CSMD1: variants seen among roughly 807,000 people sequenced by gnomAD.
CSMD1 encodes the protein CUB and Sushi multiple domains 1.
Under a neutral mutation model 417.5 loss-of-function variants are expected in CSMD1, and 213 were observed. That is an observed-to-expected ratio of 0.51 (90% CI 0.46 to 0.57). CSMD1 has a LOEUF of 0.57. CSMD1 is among the 20% of genes least tolerant of loss of function. CSMD1 has a pLI of 0.00. For missense variants in CSMD1, 6,923 were observed against 4,529.7 expected (o/e 1.53, Z -15.17); for synonymous variants, 2,862 against 1,736.8 (o/e 1.65, Z -16.11).
chr8:3,517,226 T>C (rs1018884579), intron 10 of CSMD1, among the ~76,000 whole-genome samples: 1 of 152,162 alleles, frequency 6.6e-6, no homozygotes, highest in Non-Finnish European at 1.5e-5. Flanking sequence ...GTAGAATTAA[T>C]AAAATCTGTG....
intron 1 of CSMD1, among the ~76,000 whole-genome samples, chr8:4,839,835 T>C (rs1800731616): frequency 6.6e-6 from 1 of 152,184 alleles, no homozygotes; most frequent in Admixed American, 6.5e-5. Flanking sequence ...TTAGTAAAGT[T>C]GATGTTTGCA....
intron 25 of CSMD1, among the ~76,000 whole-genome samples, chr8:3,305,132 C>A (rs1804729661): frequency 1.3e-5 from 2 of 152,164 alleles, no homozygotes; most frequent in Admixed American, 6.5e-5. Context: ...CCTCTTGCTT[C>A]ATCCCCTCAA....
chr8:4,572,490 T>G (rs995061241), intron 2 of CSMD1, among the ~76,000 whole-genome samples: 1 of 152,350 alleles, frequency 6.6e-6, no homozygotes, highest in South Asian at 2.1e-4. Flanking sequence ...AGATCCACTG[T>G]TAGTCTGACG....
At chr8:4,417,654 C>G (rs1282076722) in intron 3 of CSMD1, among the ~76,000 whole-genome samples, 2 of 151,920 alleles carry the variant, frequency 1.3e-5, no homozygotes, top group African/African-American at 2.4e-5. Context: ...GGTCAAATAA[C>G]AGGATCCGTG....
intron 44 of CSMD1, 59 bp downstream of exon 44, chr8:3,108,544 C>G: frequency 1.9e-6 from 3 of 1,563,012 alleles, no homozygotes; most frequent in Non-Finnish European, 2.6e-6. Flanking sequence ...TGGGACAACA[C>G]TGCAGGAAAC....
In CSMD1 at chr8:3,434,036, A is replaced by C. The variant is rs12677680; in HGVS notation, c.1562-24431T>G. 1.1e-3 allele frequency among the ~76,000 whole-genome samples: 172 copies of C among 152,294 alleles called. 2 individuals carry two copies. The East Asian group carries it at 0.03, about 27-fold the overall frequency. On this transcript the variant is annotated intron_variant, in intron 12 of 69. Transcript: ENST00000635120. ...CTCTGCTTTCTCATGAACTACAACA[A>C]TCGCATCATTCCTGGCATTCTTTGA...
intron 1 of CSMD1, among the ~76,000 whole-genome samples, chr8:4,749,366 T>C (rs959563573): frequency 3.3e-5 from 5 of 152,260 alleles, no homozygotes; most frequent in Admixed American, 1.3e-4. Context: ...ATGTTCAGCA[T>C]AGTTGCTAAG....
chr8:3,760,876 C>G (rs568275338), intron 5 of CSMD1, among the ~76,000 whole-genome samples: 1 of 151,890 alleles, frequency 6.6e-6, no homozygotes, highest in Non-Finnish European at 1.5e-5. Context: ...CACAGGGGGA[C>G]TAAGAAATTT....
chr8:3,878,872 A>C (rs1210019844), intron 5 of CSMD1, among the ~76,000 whole-genome samples: 1 of 152,210 alleles, frequency 6.6e-6, no homozygotes, highest in African/African-American at 2.4e-5. Context: ...AAACTGACTG[A>C]GCTTAATTAT....
intron 3 of CSMD1, among the ~76,000 whole-genome samples, chr8:4,163,266 G>C (rs991513587): frequency 8.5e-5 from 13 of 152,198 alleles, no homozygotes; most frequent in Admixed American, 3.9e-4. Context: ...GTGCTTCCTG[G>C]ACTGCATGTT....
At chr8:3,938,909 C>T (rs1240587649) in intron 5 of CSMD1, among the ~76,000 whole-genome samples, 1 of 152,094 alleles carries the variant, frequency 6.6e-6, no homozygotes, top group East Asian at 1.9e-4. Context: ...ATGCTCAATA[C>T]TCTATCATTC....
chr8:4,492,744 C>A (rs1801768556), intron 2 of CSMD1, among the ~76,000 whole-genome samples: 1 of 152,206 alleles, frequency 6.6e-6, no homozygotes, highest in Non-Finnish European at 1.5e-5. Flanking sequence ...GCACAGGTAA[C>A]ACCCAAGCAA....
At chr8:4,891,099 C>G (rs1300894505) in intron 1 of CSMD1, among the ~76,000 whole-genome samples, 1 of 152,136 alleles carries the variant, frequency 6.6e-6, no homozygotes, top group Non-Finnish European at 1.5e-5. Context: ...AGCTTTGGAA[C>G]TAGCAAAGCC....
At chr8:4,530,944 A>G (rs888299410) in intron 2 of CSMD1, among the ~76,000 whole-genome samples, 1 of 152,064 alleles carries the variant, frequency 6.6e-6, no homozygotes, top group Admixed American at 6.6e-5. Flanking sequence ...ACACAAAAAG[A>G]CAGACCTAGT....
chr8:4,888,960 A>G (rs1023064159), intron 1 of CSMD1, among the ~76,000 whole-genome samples: 2 of 152,130 alleles, frequency 1.3e-5, no homozygotes, highest in African/African-American at 4.8e-5. Flanking sequence ...TACTTACAAT[A>G]TAATTCCAAT....
Position 3,409,589 on chromosome 8 carries a change from C to G in CSMD1, c.1578G>C (p.Gly526=), listed in dbSNP as rs576984990. ...AGGCGGGGATTCCAGGATCCCCACA[C>G]CCTCCCTTTTCAATTTCTGAAAATG... The part of the protein sequence containing the change: ...KAVYQEIEKG[G]CGDPGIPAYG... The change falls in exon 13 of 70, where the codon GGG becomes GGC. Residue 526 remains glycine (G), a synonymous_variant. Transcript: ENST00000635120. The G allele has an allele frequency of 1.7e-5, 27 of 1,594,666 alleles. No homozygotes were observed. The East Asian group carries it at 3.2e-4, about 19-fold the overall frequency.
chr8:4,364,453 G>A lies in CSMD1; in HGVS notation c.415+55500C>T, dbSNP rs376683040. On this transcript the variant is annotated intron_variant, in intron 3 of 69. Coordinates refer to ENST00000635120, the MANE Select transcript of CSMD1 (RefSeq NM_033225.6). ...ATTTGTTTTTCATGTTTTTTCCAAAGTAATCTATTTTTAGTAATACAATTT... is the reference window on the plus strand; with the variant it reads ...ATTTGTTTTTCATGTTTTTTCCAAAATAATCTATTTTTAGTAATACAATTT... 1.2e-4 allele frequency among the ~76,000 whole-genome samples: 19 copies of A among 152,152 alleles called. No homozygotes were observed. In the South Asian group the frequency reaches 3.7e-3, roughly 30 times the overall value.
intron 41 of CSMD1, among the ~76,000 whole-genome samples, chr8:3,141,047 C>T (rs560376568): frequency 3.9e-5 from 6 of 152,270 alleles, no homozygotes; most frequent in East Asian, 1.9e-4. Flanking sequence ...GGATCAACTC[C>T]GTGCACAATG....
chr8:3,519,738 T>C (rs28694349), intron 10 of CSMD1, among the ~76,000 whole-genome samples: 31,065 of 151,980 alleles, frequency 0.2, 3,840 homozygotes, highest in African/African-American at 0.32. Context: ...GTGTTTTCTG[T>C]GATATGTGTA....
Sources: gnomAD v4.1 joint callset for allele counts (sites outside exome capture counted in the v4.1 genomes callset) on GRCh38, gnomAD v4.1.1 for gene constraint, MANE v1.5 for transcripts, NCBI Gene and HGNC (gene_info 2026-07-23, HGNC 2026-07-21) for gene names.